Variants in KIRREL3 observed in about 807,000 individuals in gnomAD.
KIRREL3 encodes the protein kin of IRRE-like protein 3.
KIRREL3 carries 36 observed loss-of-function variants against 89.7 expected under a neutral mutation model. The ratio of observed to expected loss-of-function variants is 0.40; its 90% CI spans 0.31 to 0.53. KIRREL3 has a LOEUF of 0.53. Ranked by LOEUF, KIRREL3 falls within the 20% of genes least tolerant of loss-of-function variation. The pLI is 0.49. For missense variants in KIRREL3, 864 were observed against 1,056.6 expected (o/e 0.82, Z 2.53); for synonymous variants, 445 against 441.4 (o/e 1.01, Z -0.10).
rs113870817 is a variant in KIRREL3 at position 126,972,038 on chromosome 11, T to C, written c.55+28417A>G. Among the ~76,000 whole-genome samples, 485 of 152,310 alleles carry C rather than the reference T, an allele frequency of 3.2e-3. 1 individual carries two copies. Among genetic ancestry groups the C allele is most frequent in the African/African-American group, 0.011 (464 of 41,562 alleles). The stretch of plus-strand genomic sequence containing the variant: ...CACAAGCTCATCTGATTTCTCTTGT[T>C]TGGAAAGTTGAAATCTCCGGATGAG... On this transcript the variant is annotated intron_variant, in intron 1 of 16. Coordinates refer to ENST00000525144, the MANE Select transcript of KIRREL3 (RefSeq NM_032531.4).
chr11:126,445,722 C>G (rs1382015491), intron 9 of KIRREL3, among the ~76,000 whole-genome samples: 2 of 152,210 alleles, frequency 1.3e-5, no homozygotes, highest in African/African-American at 4.8e-5. Context: ...GCAGCGTCTG[C>G]TACATAACAG....
Position 126,897,924 on chromosome 11 carries a change from C to A in KIRREL3, c.55+102531G>T, listed in dbSNP as rs140297344. 6.6e-3 allele frequency among the ~76,000 whole-genome samples: 1,002 copies of A among 152,256 alleles called. 9 individuals carry two copies. Among genetic ancestry groups the A allele is most frequent in the African/African-American group, 0.022 (908 of 41,556 alleles). On this transcript the variant is annotated intron_variant, in intron 1 of 16. Transcript: ENST00000525144. The surrounding 1 kb of genome is among the most constrained non-coding windows in gnomAD (Gnocchi z 4.2). ...GCTGCTGGGACTGCAGAGGACACAT[C>A]ATTCTGCCTCTGCTTGGGAAGGGGG... is the stretch of plus-strand genomic sequence containing the variant.
At position 126,651,601 on chromosome 11, in the gene KIRREL3, G is replaced by A. The variant is rs948715177; in HGVS notation, c.56-88689C>T. On this transcript the variant is annotated intron_variant, in intron 1 of 16. Transcript: ENST00000525144. The surrounding 1 kb of genome is among the most constrained non-coding windows in gnomAD (Gnocchi z 4.6). Reference sequence around the variant, plus strand: ...GCATAATTACTTCTGAATTATCTAGGGGATTTATCAGGTTTGATTATAGAT... The same window carrying A: ...GCATAATTACTTCTGAATTATCTAGAGGATTTATCAGGTTTGATTATAGAT... Among the ~76,000 whole-genome samples the A allele has an allele frequency of 1.8e-4, 27 of 152,124 alleles. No individual in the cohort carries two copies. The highest frequency in any genetic ancestry group is 6.3e-4 in the African/African-American group (26 of 41,408).
rs1307735112 is a variant in KIRREL3, at chr11:126,558,910, G to A, written c.133+3925C>T. ...TGCATGTATACATATGCATGCAGGTGTGTGCATTGTGTGTGTATGTGTGTG... is the reference window on the plus strand; with the variant it reads ...TGCATGTATACATATGCATGCAGGTATGTGCATTGTGTGTGTATGTGTGTG... On this transcript the variant is annotated intron_variant, in intron 2 of 16. Coordinates refer to ENST00000525144, the MANE Select transcript of KIRREL3 (RefSeq NM_032531.4). The surrounding 1 kb of genome is among the most constrained non-coding windows in gnomAD (Gnocchi z 4.0). Among the ~76,000 whole-genome samples the A allele has an allele frequency of 6.6e-6, 1 of 151,896 alleles. No individual in the cohort carries two copies. Among genetic ancestry groups the A allele is most frequent in the Admixed American group, 6.6e-5 (1 of 15,250 alleles).
chr11:126,447,044 G>A (rs200814995), intron 8 of KIRREL3, among the ~76,000 whole-genome samples, 158 bp from the exon 9 acceptor site: 67 of 152,340 alleles, frequency 4.4e-4, no homozygotes, highest in East Asian at 2.9e-3. Context: ...TCTTATGTCC[G>A]GGCGGGGTCT....
rs1592084077 is a variant in KIRREL3, at chr11:126,758,893, C to T, written c.56-195981G>A. Among the ~76,000 whole-genome samples, 5 of 152,102 alleles carry T rather than the reference C, an allele frequency of 3.3e-5. No homozygotes were observed. The East Asian group carries it at 9.6e-4, about 29-fold the overall frequency. On this transcript the variant is annotated intron_variant, in intron 1 of 16. Coordinates refer to ENST00000525144, the MANE Select transcript of KIRREL3 (RefSeq NM_032531.4). ...TTAACCCTTACAAAATGGAATGAGACCTCTTGGAATTAGATGTTAGAGCAC... is the reference window on the plus strand; with the variant it reads ...TTAACCCTTACAAAATGGAATGAGATCTCTTGGAATTAGATGTTAGAGCAC...
In KIRREL3 at chr11:126,689,095, G is replaced by A. The variant is rs536897908; in HGVS notation, c.56-126183C>T. 2.2e-4 allele frequency among the ~76,000 whole-genome samples: 32 copies of A among 146,420 alleles called. No homozygotes were observed. The highest frequency in any genetic ancestry group is 7.9e-4 in the African/African-American group (31 of 39,398). ...GAGAGAGAGAGAGTATTGTAATAAC[G>A]TATTGAGCATGAGCTGCCTGATCTT... is the stretch of plus-strand genomic sequence containing the variant. On this transcript the variant is annotated intron_variant, in intron 1 of 16. Transcript: ENST00000525144. The surrounding 1 kb of genome is among the most constrained non-coding windows in gnomAD (Gnocchi z 5.2).
At chr11:126,497,424 G>T (rs942842948) in intron 4 of KIRREL3, among the ~76,000 whole-genome samples, 11 of 152,160 alleles carry the variant, frequency 7.2e-5, no homozygotes, top group Non-Finnish European at 1.6e-4. Context: ...CAAGTCAAAG[G>T]GAGGCCTTTC....
chr11:126,834,337 G>A (rs1266520686), intron 1 of KIRREL3, among the ~76,000 whole-genome samples: 1 of 152,180 alleles, frequency 6.6e-6, no homozygotes, highest in African/African-American at 2.4e-5. Flanking sequence ...ATGAGTCAGA[G>A]CTAGGCTGAA....
Position 126,564,263 on chromosome 11 carries a change from A to C in KIRREL3, c.56-1351T>G, listed in dbSNP as rs954463380. On this transcript the variant is annotated intron_variant, in intron 1 of 16. Transcript: ENST00000525144. The surrounding 1 kb of genome is among the most constrained non-coding windows in gnomAD (Gnocchi z 7.4). Reference sequence around the variant, plus strand: ...CTCAAGAGGATAGACGGAGCGGGTCATTCCTCTTTCTCCTCTTCCATCCAC... The same window carrying C: ...CTCAAGAGGATAGACGGAGCGGGTCCTTCCTCTTTCTCCTCTTCCATCCAC... 4.6e-5 allele frequency among the ~76,000 whole-genome samples: 7 copies of C among 152,188 alleles called. No homozygotes were observed. Among genetic ancestry groups the C allele is most frequent in the African/African-American group, 1.2e-4 (5 of 41,448 alleles).
In KIRREL3 at chr11:126,636,826, C is replaced by T. The variant is rs1944282493; in HGVS notation, c.56-73914G>A. Among the ~76,000 whole-genome samples the T allele has an allele frequency of 6.6e-6, 1 of 152,210 alleles. No individual in the cohort carries two copies. The highest frequency in any genetic ancestry group is 6.5e-5 in the Admixed American group (1 of 15,276). ...ACTTGAATTTGTATCCCGGTTTAAC[C>T]ACTTACTCTATAGCCTTAGGCAAGG... On this transcript the variant is annotated intron_variant, in intron 1 of 16. Transcript: ENST00000525144. The surrounding 1 kb of genome is among the most constrained non-coding windows in gnomAD (Gnocchi z 4.4).
intron 1 of KIRREL3, among the ~76,000 whole-genome samples, chr11:126,758,336 C>A (rs1241107954): frequency 6.6e-6 from 1 of 152,140 alleles, no homozygotes; most frequent in African/African-American, 2.4e-5. Context: ...ATTTTTCATT[C>A]TATTTTTGTT....
At chr11:126,671,986 T>C (rs151080759) in intron 1 of KIRREL3, among the ~76,000 whole-genome samples, 111 of 152,358 alleles carry the variant, frequency 7.3e-4, no homozygotes, top group African/African-American at 2.5e-3. Context: ...AGGTTTATAG[T>C]ACCTTTACTT....
chr11:126,762,234 T>A (rs556554187), intron 1 of KIRREL3, among the ~76,000 whole-genome samples: 1 of 152,194 alleles, frequency 6.6e-6, no homozygotes, highest in South Asian at 2.1e-4. Flanking sequence ...TCCTGGTTGT[T>A]CACCTTGGCT....
rs1042466707 is a variant in KIRREL3 at position 126,642,376 on chromosome 11, C to A, written c.56-79464G>T. Among the ~76,000 whole-genome samples, 5 of 152,160 alleles carry A rather than the reference C, an allele frequency of 3.3e-5. No individual in the cohort carries two copies. The highest frequency in any genetic ancestry group is 2.6e-4 in the Admixed American group (4 of 15,276). ...AATGCCTTCCTGGGAGATAACATTGCATTTATTCCAGGACTCCTACAGGGA... is the reference window on the plus strand; with the variant it reads ...AATGCCTTCCTGGGAGATAACATTGAATTTATTCCAGGACTCCTACAGGGA... On this transcript the variant is annotated intron_variant, in intron 1 of 16. Coordinates refer to ENST00000525144, the MANE Select transcript of KIRREL3 (RefSeq NM_032531.4). The surrounding 1 kb of genome is among the most constrained non-coding windows in gnomAD (Gnocchi z 4.9).
At position 126,668,693 on chromosome 11, in the gene KIRREL3, TTTTCTTTCTTTCTTTCTTTCTTTC is replaced by T. The variant is rs57753203; in HGVS notation, c.56-105805_56-105782del. On this transcript the variant is annotated intron_variant, in intron 1 of 16. Coordinates refer to ENST00000525144, the MANE Select transcript of KIRREL3 (RefSeq NM_032531.4). This position sits in a 1 kb window ranked among gnomAD's most constrained non-coding sequence, Gnocchi z 4.4. ...TAAAGAGCTGTTGGGAAGTTTCTGT[TTTTCTTTCTTTCTTTCTTTCTTTC>T]TTTCTTTCTTTCTTTCTTTCTTTCT... Among the ~76,000 whole-genome samples the T allele has an allele frequency of 0.089, 11,239 of 126,718 alleles. 633 individuals carry two copies. Among genetic ancestry groups the T allele is most frequent in the South Asian group, 0.24 (902 of 3,762 alleles). The allele number at this position is 126,718 out of a possible 152,430, so 83.1% of individuals were successfully genotyped here.
At chr11:126,499,311 G>A (rs191091982) in intron 4 of KIRREL3, among the ~76,000 whole-genome samples, 11 of 152,180 alleles carry the variant, frequency 7.2e-5, no homozygotes, top group Admixed American at 2.0e-4. Context: ...CTCCTGCCTC[G>A]GGACTTCCCC....
chr11:126,871,264 C>T (rs998094441), intron 1 of KIRREL3, among the ~76,000 whole-genome samples: 1 of 152,238 alleles, frequency 6.6e-6, no homozygotes, highest in Non-Finnish European at 1.5e-5. Context: ...TAAAGAACTT[C>T]TAAGTCTGAG....
At chr11:126,440,085 C>T (rs1000810085) in intron 11 of KIRREL3, 19 of 441,846 alleles carry the variant, frequency 4.3e-5, no homozygotes, top group African/African-American at 1.8e-4. Context: ...CAACTATTAC[C>T]TGCGCTCTAA....
Sources: allele counts gnomAD v4.1 joint callset (sites outside exome capture counted in the v4.1 genomes callset), GRCh38; gene constraint gnomAD v4.1.1; non-coding constraint Gnocchi (gnomAD v3.1); transcripts MANE v1.5; gene names NCBI Gene and HGNC (gene_info 2026-07-23, HGNC 2026-07-21).